The following MORC1 variants were observed in gnomAD, a reference collection of about 807,000 sequenced individuals.
The protein encoded by MORC1 is MORC family CW-type zinc finger protein 1.
In MORC1, 59 loss-of-function variants were observed where a neutral mutation model predicts 134.9. That is an observed-to-expected ratio of 0.44 (90% CI 0.35 to 0.54). The LOEUF (loss-of-function observed/expected upper bound fraction) is 0.54. Ranked by LOEUF, MORC1 falls within the 20% of genes least tolerant of loss-of-function variation. The pLI is 0.00. For synonymous variants in MORC1, 395 were observed against 391.7 expected (o/e 1.01, Z -0.10); for missense variants, 947 against 1,134.5 (o/e 0.83, Z 2.37).
chr3:108,974,807 A>C (rs2715739), intron 24 of MORC1, among the ~76,000 whole-genome samples: 60,950 of 152,126 alleles, frequency 0.4, 12,715 homozygotes, highest in Middle Eastern at 0.56. Flanking sequence ...TCTTAAAGAT[A>C]TCTTCCAAAG....
chr3:109,008,332 A>G (rs547199451), intron 17 of MORC1, among the ~76,000 whole-genome samples: 65 of 152,234 alleles, frequency 4.3e-4, no homozygotes, highest in Admixed American at 2.0e-3. Flanking sequence ...AGACACTGCT[A>G]AATTTCTCCA....
At chr3:109,007,941 ATGTGTG>A (rs113629397) in intron 17 of MORC1, among the ~76,000 whole-genome samples, 70 of 149,612 alleles carry the variant, frequency 4.7e-4, no homozygotes, top group African/African-American at 1.6e-3. Context: ...GCACATATAT[ATGTGTG>A]TGTGTGTGTG....
chr3:109,024,797 T>C (rs779308135), intron 17 of MORC1, among the ~76,000 whole-genome samples: 64 of 152,314 alleles, frequency 4.2e-4, no homozygotes, highest in Non-Finnish European at 5.4e-4. Context: ...AGTAATAAAC[T>C]AGCCAGTTCT....
At chr3:108,973,923 G>C (rs961258392) in intron 24 of MORC1, among the ~76,000 whole-genome samples, 1 of 152,042 alleles carries the variant, frequency 6.6e-6, no homozygotes, top group Non-Finnish European at 1.5e-5. Flanking sequence ...TAAAGTACTA[G>C]AATTGTGCTA....
intron 14 of MORC1, among the ~76,000 whole-genome samples, 183 bp downstream of exon 14, chr3:109,054,545 T>A (rs997232064): frequency 4.6e-5 from 7 of 152,206 alleles, no homozygotes; most frequent in African/African-American, 1.7e-4. Context: ...GCTTTGTTTT[T>A]CACGACAGTC....
At chr3:109,018,961 C>T (rs567155747) in intron 17 of MORC1, 3 of 152,152 alleles carry the variant, frequency 2.0e-5, no homozygotes, top group Non-Finnish European at 4.4e-5. Flanking sequence ...GAGGAATGAT[C>T]ACCAAGAGCA....
At chr3:108,983,325 T>C (rs35509171) in intron 23 of MORC1, among the ~76,000 whole-genome samples, 2,631 of 152,266 alleles carry the variant, frequency 0.017, 29 homozygotes, top group Middle Eastern at 0.1. Context: ...CCTACTCTCA[T>C]GGAGTGCATT....
chr3:108,982,456 T>A (rs11719872), intron 23 of MORC1, among the ~76,000 whole-genome samples: 1 of 151,944 alleles, frequency 6.6e-6, no homozygotes, highest in African/African-American at 2.4e-5. Context: ...TGCACACGTA[T>A]GTTTATTGTG....
chr3:109,014,246 C>T (rs78825223), intron 17 of MORC1, among the ~76,000 whole-genome samples: 10 of 152,162 alleles, frequency 6.6e-5, no homozygotes, highest in Non-Finnish European at 1.5e-4. Flanking sequence ...ATCACAATGT[C>T]TAATAGTTAC....
intron 17 of MORC1, among the ~76,000 whole-genome samples, chr3:109,009,283 G>A (rs1387983573): frequency 1.4e-5 from 2 of 139,564 alleles, no homozygotes; most frequent in Non-Finnish European, 3.0e-5. Flanking sequence ...TCTGCTCACC[G>A]CAACCTCCAC....
At chr3:109,017,804 T>A (rs6793228) in intron 17 of MORC1, among the ~76,000 whole-genome samples, 4,761 of 152,280 alleles carry the variant, frequency 0.031, 233 homozygotes, top group African/African-American at 0.11. Flanking sequence ...ATCATTACCC[T>A]AGAAAGCTTG....
chr3:109,092,410 A>G (rs752425250), intron 8 of MORC1, among the ~76,000 whole-genome samples: 13 of 152,186 alleles, frequency 8.5e-5, no homozygotes, highest in Non-Finnish European at 1.8e-4. Context: ...GGGAAAAGCA[A>G]AAGAAGTTCT....
At chr3:109,107,847 A>G (rs1257818164) in intron 3 of MORC1, among the ~76,000 whole-genome samples, 2 of 152,234 alleles carry the variant, frequency 1.3e-5, no homozygotes, top group Non-Finnish European at 2.9e-5. Flanking sequence ...GGTAATTTTA[A>G]GCTAAACTGA....
chr3:109,100,391 T>C lies in MORC1; in HGVS notation c.314+26A>G, dbSNP rs762416882. Reference sequence around the variant, plus strand: ...CAGTGTTCCCAGTATCAATAATATATGTCTTAAGGGAAAAAAAATTCTCAC... The same window carrying C: ...CAGTGTTCCCAGTATCAATAATATACGTCTTAAGGGAAAAAAAATTCTCAC... On this transcript the variant is annotated intron_variant, in intron 5 of 27. Transcript: ENST00000232603. 8 of 1,519,366 alleles carry C rather than the reference T, an allele frequency of 5.3e-6. No homozygotes were observed. In the African/African-American group the frequency reaches 6.9e-5, roughly 13 times the overall value. The allele number at this position is 1,519,366 out of a possible 1,614,324, so 94.1% of individuals were successfully genotyped here. A position where few individuals can be genotyped will look rare whatever the true frequency, so the allele number is the denominator to read the frequency against.
rs56210875 is a variant in MORC1 at position 109,027,564 on chromosome 3, A to ATTTT, written c.1704+183_1704+186dup. Among the ~76,000 whole-genome samples, 62 of 147,782 alleles carry ATTTT rather than the reference A, an allele frequency of 4.2e-4. No homozygotes were observed. The South Asian group carries it at 6.9e-3, about 16-fold the overall frequency. ...TGGGCTTAGATATCACATATACAGT[A>ATTTT]TTTTTTTTTTTTTTACAAAACTCAC... On this transcript the variant is annotated intron_variant, in intron 17 of 27. Coordinates refer to ENST00000232603, the MANE Select transcript of MORC1 (RefSeq NM_014429.4).
intron 22 of MORC1, among the ~76,000 whole-genome samples, chr3:108,986,378 A>G (rs374576803): frequency 6.6e-6 from 1 of 152,182 alleles, no homozygotes; most frequent in South Asian, 2.1e-4. Context: ...CATGCCTTAA[A>G]TAAGTTCCAG....
intron 6 of MORC1, 72 bp downstream of exon 6, chr3:109,099,286 C>G (rs1168198294): frequency 6.5e-6 from 7 of 1,070,430 alleles, no homozygotes; most frequent in Non-Finnish European, 9.5e-6. Context: ...CATGACAAGA[C>G]TTCACCTCCT....
intron 17 of MORC1, among the ~76,000 whole-genome samples, chr3:109,023,665 T>C (rs1463991776): frequency 1.3e-5 from 2 of 152,158 alleles, no homozygotes; most frequent in Admixed American, 6.5e-5. Context: ...AGAAGAGAAA[T>C]TTTAAGTTAA....
At chr3:109,020,297 T>C (rs1948925310) in intron 17 of MORC1, among the ~76,000 whole-genome samples, 1 of 152,228 alleles carries the variant, frequency 6.6e-6, no homozygotes, top group Non-Finnish European at 1.5e-5. Context: ...GGAAAAGTTA[T>C]TCTAGACCCT....
Sources: allele counts gnomAD v4.1 joint callset (sites outside exome capture counted in the v4.1 genomes callset), GRCh38; gene constraint gnomAD v4.1.1; transcripts MANE v1.5; gene names NCBI Gene and HGNC (gene_info 2026-07-23, HGNC 2026-07-21).